TRPM7: variants seen among roughly 807,000 people sequenced by gnomAD.
TRPM7 encodes the protein transient receptor potential cation channel subfamily M member 7.
TRPM7 carries 134 observed loss-of-function variants against 229.7 expected under a neutral mutation model. That is an observed-to-expected ratio of 0.58 (90% CI 0.51 to 0.67). The LOEUF is 0.67. TRPM7 is among the 30% of genes least tolerant of loss of function. The pLI is 0.00. For missense variants in TRPM7, 1,901 were observed against 2,210.0 expected (o/e 0.86, Z 2.80); for synonymous variants, 699 against 715.2 (o/e 0.98, Z 0.36).
chr15:50,585,176 C>T (rs1044856961), intron 28 of TRPM7, among the ~76,000 whole-genome samples: 6 of 151,480 alleles, frequency 4.0e-5, no homozygotes, highest in African/African-American at 1.5e-4. Flanking sequence ...ATTCTCCTGC[C>T]TCAGCCTCCC....
chr15:50,634,385 CCTT>C lies in TRPM7; in HGVS notation c.1001_1003del (p.Glu334del). ...TAAAATGTTGTCATACACTTACCCT[CCTT>C]CTTCTGTTTGTTTATGAATATACGC... On this transcript the variant is annotated inframe_deletion, in exon 8 of 39. Coordinates refer to ENST00000646667, the MANE Select transcript of TRPM7 (RefSeq NM_017672.6). 3 of 1,553,512 alleles carry C rather than the reference CCTT, an allele frequency of 1.9e-6. No homozygotes were observed. The highest frequency in any genetic ancestry group is 2.5e-5 in the East Asian group (1 of 40,078).
Position 50,671,618 on chromosome 15 carries a change from G to C in TRPM7, c.4-8572C>G, listed in dbSNP as rs191546702. Among the ~76,000 whole-genome samples, 17 of 150,034 alleles carry C rather than the reference G, an allele frequency of 1.1e-4. No individual in the cohort carries two copies. In the East Asian group the frequency reaches 3.3e-3, roughly 29 times the overall value. ...GAGGCCAGGAGTTCAAGACCAACCT[G>C]GGCAGCATAATGAGATCCTGTCGCT... On this transcript the variant is annotated intron_variant, in intron 1 of 38. Transcript: ENST00000646667.
chr15:50,633,346 T>C (rs1330703953), intron 8 of TRPM7, among the ~76,000 whole-genome samples: 6 of 152,206 alleles, frequency 3.9e-5, no homozygotes, highest in African/African-American at 1.4e-4. Context: ...CTCACATTTT[T>C]CTTTTTTGAA....
intron 1 of TRPM7, among the ~76,000 whole-genome samples, chr15:50,682,071 G>C (rs1451131351): frequency 1.3e-5 from 2 of 150,280 alleles, no homozygotes; most frequent in East Asian, 4.0e-4. Context: ...CCAGCTACTC[G>C]AGAGGCTGAG....
intron 20 of TRPM7, 107 bp downstream of exon 20, chr15:50,607,093 T>C: frequency 1.0e-6 from 1 of 955,248 alleles, no homozygotes. Flanking sequence ...TTCTACAATG[T>C]CATCATACAC....
intron 10 of TRPM7, 22 bp downstream of exon 10, chr15:50,631,395 A>T (rs748594315): frequency 3.3e-6 from 5 of 1,536,622 alleles, no homozygotes; most frequent in East Asian, 2.3e-5. Context: ...TCTTACAAAT[A>T]AAAAAGTTCT....
In TRPM7 at chr15:50,634,383, C is replaced by T. The variant is rs764390012; in HGVS notation, c.1006G>A (p.Gly336Arg). 6.5e-7 allele frequency: 1 copy of T among 1,547,826 alleles called. No individual in the cohort carries two copies. Among genetic ancestry groups the T allele is most frequent in the South Asian group, 1.3e-5 (1 of 78,430 alleles). Residue 336 changes from glycine to arginine, a missense_variant and splice_region_variant, in exon 8 of 39, where the codon GGG becomes AGG. By Grantham distance (125) the Gly-to-Arg change is moderately radical. Around this residue, in one of 8 missense-constraint regions of TRPM7, gnomAD observed 794 missense variants for 881.9 expected, o/e 0.90. Coordinates refer to ENST00000646667, the MANE Select transcript of TRPM7 (RefSeq NM_017672.6). ...ATTAAAATGTTGTCATACACTTACC[C>T]TCCTTCTTCTGTTTGTTTATGAATA... ...AYIHKQTEEG[G>R]NLPDAAEPDI... is the part of the protein sequence containing the mutation.
At chr15:50,655,437 G>GAAAA (rs199686585) in intron 3 of TRPM7, among the ~76,000 whole-genome samples, 2 of 89,354 alleles carry the variant, frequency 2.2e-5, no homozygotes, top group Non-Finnish European at 2.3e-5. Flanking sequence ...CATCTCAAAG[G>GAAAA]AAAAAAAAAA....
At chr15:50,589,517 T>C in intron 27 of TRPM7, 75 bp downstream of exon 27, 1 of 1,051,574 alleles carries the variant, frequency 9.5e-7, no homozygotes, top group African/African-American at 1.6e-5. Flanking sequence ...AAAAAATGTT[T>C]AATTAAATTT....
intron 7 of TRPM7, among the ~76,000 whole-genome samples, chr15:50,635,440 G>A (rs1259787820): frequency 6.6e-6 from 1 of 151,014 alleles, no homozygotes; most frequent in East Asian, 1.9e-4. Context: ...AAGTCGGGCA[G>A]ATCACGAGGT....
chr15:50,596,872 G>A (rs746994410), intron 22 of TRPM7, among the ~76,000 whole-genome samples: 1 of 151,986 alleles, frequency 6.6e-6, no homozygotes, highest in African/African-American at 2.4e-5. Flanking sequence ...TGCCTCAGCC[G>A]CCCGAATAGC....
intron 13 of TRPM7, among the ~76,000 whole-genome samples, chr15:50,616,812 C>T (rs1351595601): frequency 6.6e-6 from 1 of 152,068 alleles, no homozygotes; most frequent in African/African-American, 2.4e-5. Context: ...TCCTAAGTAG[C>T]TGGGACTACA....
rs565522762 is a variant in TRPM7, at chr15:50,663,447, T to C, written c.4-401A>G. Among the ~76,000 whole-genome samples, 86 of 152,204 alleles carry C rather than the reference T, an allele frequency of 5.7e-4. 1 individual carries two copies. The highest frequency in any genetic ancestry group is 1.1e-3 in the Non-Finnish European group (74 of 68,008). ...GGCCCATAAACACTTCTATACTACA[T>C]AATTTTTTATTTACTTTTCACTACA... is the stretch of plus-strand genomic sequence containing the variant. On this transcript the variant is annotated intron_variant, in intron 1 of 38. Transcript: ENST00000646667.
At chr15:50,635,760 C>T (rs1455320988) in intron 7 of TRPM7, among the ~76,000 whole-genome samples, 1 of 150,050 alleles carries the variant, frequency 6.7e-6, no homozygotes, top group Non-Finnish European at 1.5e-5. Flanking sequence ...CCGGCGATCA[C>T]GAGGTCAGGA....
In TRPM7 at chr15:50,645,394, C is replaced by G. The variant is rs2061234251; in HGVS notation, c.322-1841G>C. 2.6e-5 allele frequency among the ~76,000 whole-genome samples: 4 copies of G among 151,798 alleles called. No homozygotes were observed. In the South Asian group the frequency reaches 8.3e-4, roughly 32 times the overall value. On this transcript the variant is annotated intron_variant, in intron 4 of 38. Transcript: ENST00000646667. ...CTTTTTTTTTTGACAAAGTCCCGCT[C>G]TGTCGCCCAGGCTGGAATGCCTCCC... is the stretch of plus-strand genomic sequence containing the variant.
At chr15:50,620,361 G>C (rs906083870) in intron 12 of TRPM7, among the ~76,000 whole-genome samples, 3 of 146,116 alleles carry the variant, frequency 2.1e-5, no homozygotes, top group African/African-American at 7.6e-5. Context: ...TGTATTTTAT[G>C]TGTGGCCCAA....
chr15:50,603,745 C>T (rs1566989479), intron 21 of TRPM7, among the ~76,000 whole-genome samples: 1 of 152,096 alleles, frequency 6.6e-6, no homozygotes, highest in African/African-American at 2.4e-5. Context: ...CAAGAGAAGA[C>T]TGATTTTCTA....
In TRPM7 at chr15:50,657,696, TGCCACTG is replaced by T. The variant is rs2061612166; in HGVS notation, c.122+78_122+84del. The T allele has an allele frequency of 3.3e-6, 4 of 1,211,610 alleles. No individual in the cohort carries two copies. The Admixed American group carries it at 7.5e-5, about 23-fold the overall frequency. The allele number at this position is 1,211,610 out of a possible 1,614,324, so 75.1% of individuals were successfully genotyped here. On this transcript the variant is annotated intron_variant, in intron 3 of 38. Transcript: ENST00000646667. The stretch of plus-strand genomic sequence containing the variant: ...CAAATATAATAGCATGTGAGTTTCA[TGCCACTG>T]TGTTCTAACTCATATTTCTAATAGA...
At chr15:50,570,254 G>A in intron 36 of TRPM7, 99 bp from the exon 37 acceptor site, 1 of 834,230 alleles carries the variant, frequency 1.2e-6, no homozygotes, top group Non-Finnish European at 1.9e-6. Flanking sequence ...AGATGTTATA[G>A]TATCATCAAT....
Sources: gnomAD v4.1 joint callset for allele counts (sites outside exome capture counted in the v4.1 genomes callset) on GRCh38, gnomAD v4.1.1 for gene constraint, gnomAD v4.1.1 regional missense constraint, MANE v1.5 for transcripts, NCBI Gene and HGNC (gene_info 2026-07-23, HGNC 2026-07-21) for gene names.